The following ZNF148 variants were observed in gnomAD, a reference collection of about 807,000 sequenced individuals.
The protein encoded by ZNF148 is Beta-Enolase Repressor Factor-1.
In ZNF148, 7 loss-of-function variants were observed where a neutral mutation model predicts 67.7. The observed-to-expected ratio is 0.10, with a 90% CI of 0.06 to 0.19. The LOEUF is 0.19. Among genes scored for constraint, ZNF148 ranks in the 10% least tolerant of loss-of-function variants. The pLI, the probability that ZNF148 is intolerant of heterozygous loss-of-function variation, is 1.00. For synonymous variants in ZNF148, 333 were observed against 330.7 expected, an observed-to-expected ratio of 1.01 and a Z score of -0.08; for missense variants, 583 against 947.1, an observed-to-expected ratio of 0.62 and a Z score of 5.05.
At chr3:125,371,182 G>A (rs986601469) in intron 1 of ZNF148, among the ~76,000 whole-genome samples, 2 of 145,758 alleles carry the variant, frequency 1.4e-5, no homozygotes, top group Non-Finnish European at 3.1e-5. Flanking sequence ...ACGAAACCCC[G>A]TCTCTATAAA....
intron 4 of ZNF148, among the ~76,000 whole-genome samples, chr3:125,302,067 A>G (rs1203078547): frequency 6.6e-6 from 1 of 151,584 alleles, no homozygotes. Flanking sequence ...TCCATCTCAA[A>G]AAAATAAATA....
At chr3:125,251,214 C>T (rs1936826446) in intron 7 of ZNF148, among the ~76,000 whole-genome samples, 2 of 152,218 alleles carry the variant, frequency 1.3e-5, no homozygotes, top group Non-Finnish European at 2.9e-5. Flanking sequence ...TGAAGCCTCA[C>T]CTGATCAGCA....
rs556441252 is a variant in ZNF148 at position 125,248,162 on chromosome 3, G to T, written c.668-13833C>A. 3.9e-5 allele frequency among the ~76,000 whole-genome samples: 6 copies of T among 152,282 alleles called. No homozygotes were observed. The South Asian group carries it at 1.2e-3, about 32-fold the overall frequency. ...TGACGTATGTAAAATTAGTAAAATG[G>T]CTGGATATGTAGGCACCAGTGAATT... is the stretch of plus-strand genomic sequence containing the variant. On this transcript the variant is annotated intron_variant, in intron 7 of 8. Transcript: ENST00000360647.
At chr3:125,360,314 T>G (rs1942497481) in intron 1 of ZNF148, among the ~76,000 whole-genome samples, 2 of 152,074 alleles carry the variant, frequency 1.3e-5, no homozygotes, top group Admixed American at 1.3e-4. Flanking sequence ...TTAGACAGGG[T>G]CTCACTCTGT....
chr3:125,354,385 T>G (rs967786650), intron 1 of ZNF148, among the ~76,000 whole-genome samples: 1 of 152,336 alleles, frequency 6.6e-6, no homozygotes, highest in South Asian at 2.1e-4. Context: ...GAACACTTAT[T>G]CTATTTTATG....
At chr3:125,294,083 C>A (rs1939163223) in intron 4 of ZNF148, among the ~76,000 whole-genome samples, 1 of 152,166 alleles carries the variant, frequency 6.6e-6, no homozygotes. Flanking sequence ...CACAACATCA[C>A]TTCTGTGGGT....
chr3:125,327,660 C>T (rs188527521), intron 2 of ZNF148, among the ~76,000 whole-genome samples: 1 of 152,220 alleles, frequency 6.6e-6, no homozygotes, highest in Admixed American at 6.5e-5. Flanking sequence ...GTCTTACAAA[C>T]AAATACATTT....
chr3:125,305,784 G>A (rs768475919), intron 4 of ZNF148, among the ~76,000 whole-genome samples: 38 of 145,488 alleles, frequency 2.6e-4, no homozygotes, highest in Non-Finnish European at 4.8e-4. Flanking sequence ...CTGCACACCA[G>A]CACGGGCAAA....
At chr3:125,285,821 G>A (rs1296511683) in intron 5 of ZNF148, among the ~76,000 whole-genome samples, 4 of 152,088 alleles carry the variant, frequency 2.6e-5, no homozygotes, top group African/African-American at 7.2e-5. Context: ...GGACAACTCC[G>A]TCATCTGGCA....
rs1383258418 is a variant in ZNF148 at position 125,232,941 on chromosome 3, T to C, written c.1785A>G (p.Ser595=). 6.2e-7 allele frequency: 1 copy of C among 1,613,872 alleles called. No homozygotes were observed. The highest frequency in any genetic ancestry group is 1.7e-5 in the Admixed American group (1 of 59,990). The change falls in exon 9 of 9, where the codon TCA becomes TCG. Residue 595 remains serine, a synonymous_variant. Coordinates refer to ENST00000360647, the MANE Select transcript of ZNF148 (RefSeq NM_021964.3). The surrounding 1 kb of genome is among the most constrained non-coding windows in gnomAD (Gnocchi z 4.2). ...CCTGCAACATGTTGGCTTTATCTGATGAGGATGCTTGGGAGCTTGATCCAA... is the reference window on the plus strand; with the variant it reads ...CCTGCAACATGTTGGCTTTATCTGACGAGGATGCTTGGGAGCTTGATCCAA... ...ENVGSSSQAS[S]SDKANMLQEY...
Position 125,232,216 on chromosome 3 carries a change from T to C in ZNF148, c.*125A>G, listed in dbSNP as rs561436005. The C allele has an allele frequency of 1.7e-6, 2 of 1,150,486 alleles. No individual in the cohort carries two copies. Among genetic ancestry groups the C allele is most frequent in the Non-Finnish European group, 2.4e-6 (2 of 845,422 alleles). The allele number at this position is 1,150,486 out of a possible 1,614,324, so 71.3% of individuals were successfully genotyped here. ...AGTTATTGGATTATCTTGCTATTCA[T>C]ATCAGCTTAACTTGTTATTACGCAT... On this transcript the variant is annotated 3_prime_UTR_variant, in exon 9 of 9. Coordinates refer to ENST00000360647, the MANE Select transcript of ZNF148 (RefSeq NM_021964.3). The surrounding 1 kb of genome is among the most constrained non-coding windows in gnomAD (Gnocchi z 4.2).
At chr3:125,274,864 G>A (rs1323747566) in intron 7 of ZNF148, among the ~76,000 whole-genome samples, 1 of 152,144 alleles carries the variant, frequency 6.6e-6, no homozygotes, top group African/African-American at 2.4e-5. Flanking sequence ...TAAAAATATG[G>A]AAAATCTTTT....
rs147191670 is a variant in ZNF148, at chr3:125,315,170, A to C, written c.-16-1514T>G. 26 of 152,324 alleles carry C rather than the reference A, an allele frequency of 1.7e-4. No homozygotes were observed. In the East Asian group the frequency reaches 4.8e-3, roughly 28 times the overall value. 9.4% of individuals were successfully genotyped at this position (152,324 alleles called of 1,614,324 possible). ...TTTCTTAGAAAACAAACTAAAACTA[A>C]ATGAAACAAGTCTCTTAATGCTAAA... On this transcript the variant is annotated intron_variant, in intron 3 of 8. Transcript: ENST00000360647.
intron 7 of ZNF148, among the ~76,000 whole-genome samples, chr3:125,258,964 T>A (rs565491497): frequency 6.6e-6 from 1 of 152,284 alleles, no homozygotes; most frequent in South Asian, 2.1e-4. Flanking sequence ...TCATTACCCT[T>A]TTACTTTTTA....
chr3:125,340,001 A>C (rs1433695119), intron 1 of ZNF148, among the ~76,000 whole-genome samples: 1 of 152,172 alleles, frequency 6.6e-6, no homozygotes, highest in African/African-American at 2.4e-5. Context: ...CTGTTCTCCT[A>C]CTGCCCCTAC....
At chr3:125,244,234 G>A (rs1377228428) in intron 7 of ZNF148, among the ~76,000 whole-genome samples, 1 of 152,032 alleles carries the variant, frequency 6.6e-6, no homozygotes, top group Non-Finnish European at 1.5e-5. Context: ...CACACAATCA[G>A]CTGTTTATGG....
intron 7 of ZNF148, among the ~76,000 whole-genome samples, chr3:125,271,301 T>C (rs777579160): frequency 1.3e-5 from 2 of 152,186 alleles, no homozygotes; most frequent in Non-Finnish European, 2.9e-5. Context: ...TTCCTCAGAA[T>C]GGCCATTTAC....
intron 1 of ZNF148, among the ~76,000 whole-genome samples, chr3:125,335,821 C>T (rs1156689940): frequency 2.0e-5 from 3 of 152,150 alleles, no homozygotes; most frequent in African/African-American, 7.2e-5. Flanking sequence ...TATATCTTTA[C>T]GTTGTTTGCA....
intron 4 of ZNF148, among the ~76,000 whole-genome samples, chr3:125,293,525 T>C (rs967187911): frequency 1.3e-5 from 2 of 152,080 alleles, no homozygotes; most frequent in Admixed American, 6.6e-5. Context: ...GGGAAAAATA[T>C]AAGATGACTC....
Sources: gnomAD v4.1 joint callset for allele counts (sites outside exome capture counted in the v4.1 genomes callset) on GRCh38, gnomAD v4.1.1 for gene constraint, Gnocchi (gnomAD v3.1) non-coding constraint, MANE v1.5 for transcripts, NCBI Gene and HGNC (gene_info 2026-07-23, HGNC 2026-07-21) for gene names.